The following JAK2 variants were observed in gnomAD, a reference collection of about 807,000 sequenced individuals.
The protein encoded by JAK2 is Janus kinase 2, also known as tyrosine-protein kinase JAK2.
JAK2 carries 86 observed loss-of-function variants against 139.3 expected under a neutral mutation model. The ratio of observed to expected loss-of-function variants is 0.62; its 90% CI spans 0.52 to 0.74. JAK2 has a LOEUF of 0.74. JAK2 is among the 30% of genes least tolerant of loss of function. JAK2 has a pLI of 0.00. For missense variants in JAK2, 1,421 were observed against 1,360.3 expected (o/e 1.04, Z -0.70); for synonymous variants, 490 against 437.7 (o/e 1.12, Z -1.49).
At chr9:5,086,593 TAAA>T (rs762204543) in intron 19 of JAK2, among the ~76,000 whole-genome samples, 10 of 150,534 alleles carry the variant, frequency 6.6e-5, no homozygotes, top group Non-Finnish European at 8.9e-5. Flanking sequence ...TTCCAATACT[TAAA>T]AAAAAAATTC....
intron 8 of JAK2, among the ~76,000 whole-genome samples, chr9:5,059,471 C>T (rs1413432461): frequency 1.3e-5 from 2 of 151,998 alleles, no homozygotes; most frequent in Non-Finnish European, 2.9e-5. Context: ...TGTTGATGGA[C>T]ATTTGGGTTG....
chr9:5,124,716 G>C (rs1823864145), intron 23 of JAK2, among the ~76,000 whole-genome samples: 1 of 151,586 alleles, frequency 6.6e-6, no homozygotes, highest in African/African-American at 2.4e-5. Context: ...CAAACACATA[G>C]ATCAATGGAA....
At chr9:5,076,473 A>G (rs775816198) in intron 14 of JAK2, among the ~76,000 whole-genome samples, 1 of 152,190 alleles carries the variant, frequency 6.6e-6, no homozygotes, top group Non-Finnish European at 1.5e-5. Flanking sequence ...GAAGGCTCAG[A>G]TTATCATTAG....
At chr9:5,089,652 C>G in intron 19 of JAK2, 22 bp from the exon 20 acceptor site, 1 of 1,272,728 alleles carries the variant, frequency 7.9e-7, no homozygotes, top group Non-Finnish European at 1.0e-6. Flanking sequence ...GTATTTCCAT[C>G]CTAATGTGAT....
In JAK2 at chr9:5,127,057, G is replaced by T; in HGVS notation, c.*266G>T. The T allele has an allele frequency of 3.8e-6, 1 of 266,126 alleles. No homozygotes were observed. The highest frequency in any genetic ancestry group is 1.2e-4 in the South Asian group (1 of 8,310). 16.5% of individuals were successfully genotyped at this position (266,126 alleles called of 1,614,324 possible). A position where few individuals can be genotyped will look rare whatever the true frequency, so the allele number is the denominator to read the frequency against. On this transcript the variant is annotated 3_prime_UTR_variant, in exon 25 of 25. Coordinates refer to ENST00000381652, the MANE Select transcript of JAK2 (RefSeq NM_004972.4). Reference sequence around the variant, plus strand: ...TTGTCAGTTAACATCACTCTTGTCTGGCAAAAGAAAAAAAATAGACTTTTT... The same window carrying T: ...TTGTCAGTTAACATCACTCTTGTCTTGCAAAAGAAAAAAAATAGACTTTTT...
At chr9:5,014,164 CT>C (rs200845162) in intron 2 of JAK2, among the ~76,000 whole-genome samples, 355 of 117,522 alleles carry the variant, frequency 3.0e-3, no homozygotes, top group Middle Eastern at 9.7e-3. Context: ...TTTACTCTTT[CT>C]TTTTTTTTTT....
rs558611733 is a variant in JAK2 at position 5,084,450 on chromosome 9, A to G, written c.2571+2589A>G. Among the ~76,000 whole-genome samples, 6 of 152,192 alleles carry G rather than the reference A, an allele frequency of 3.9e-5. No individual in the cohort carries two copies. The South Asian group carries it at 1.2e-3, about 32-fold the overall frequency. On this transcript the variant is annotated intron_variant, in intron 19 of 24. Transcript: ENST00000381652. ...CTGTATCCCTTTGTTATCCTTTTCA[A>G]TTAGTGGTATGGTGAAAATATTCCA...
At chr9:5,089,581 C>T in intron 19 of JAK2, 93 bp from the exon 20 acceptor site, 1 of 351,886 alleles carries the variant, frequency 2.8e-6, no homozygotes, top group Admixed American at 4.7e-5. Flanking sequence ...TCTGCTAATT[C>T]CAGCTACTAG....
rs1242248637 is a variant in JAK2 at position 5,111,066 on chromosome 9, C to A, written c.3060-11938C>A. ...AATTCAGAGGTTCAGGTCTTGAGAA[C>A]TGGCCCAGCTCAGGCTCCTGGGGCA... On this transcript the variant is annotated intron_variant, in intron 22 of 24. Coordinates refer to ENST00000381652, the MANE Select transcript of JAK2 (RefSeq NM_004972.4). The A allele has an allele frequency of 1.4e-5, 16 of 1,183,632 alleles. No individual in the cohort carries two copies. The Admixed American group carries it at 2.4e-4, about 18-fold the overall frequency. The allele number at this position is 1,183,632 out of a possible 1,614,324, so 73.3% of individuals were successfully genotyped here.
chr9:5,113,989 A>T, intron 22 of JAK2: 1 of 268,646 alleles, frequency 3.7e-6, no homozygotes, highest in Non-Finnish European at 7.4e-6. Flanking sequence ...ACCTGGCTGG[A>T]GGATGGGCAG....
intron 3 of JAK2, among the ~76,000 whole-genome samples, chr9:5,029,175 T>C (rs1219351758): frequency 6.6e-6 from 1 of 152,212 alleles, no homozygotes; most frequent in African/African-American, 2.4e-5. Flanking sequence ...GAGGCCATTG[T>C]AGGATTATTA....
rs1337638748 is a variant in JAK2 at position 5,129,595 on chromosome 9, C to T, written c.*2804C>T. 6.6e-6 allele frequency among the ~76,000 whole-genome samples: 1 copy of T among 151,924 alleles called. No homozygotes were observed. ...CAGTAAGTCAGCAGGATTATCCAAACAAAAGACTAGGTTTTATGAGATAAG... is the reference window on the plus strand; with the variant it reads ...CAGTAAGTCAGCAGGATTATCCAAATAAAAGACTAGGTTTTATGAGATAAG... On this transcript the variant is annotated 3_prime_UTR_variant, in exon 25 of 25. Transcript: ENST00000381652.
chr9:4,988,907 T>C (rs1320292129), intron 2 of JAK2, among the ~76,000 whole-genome samples: 1 of 152,184 alleles, frequency 6.6e-6, no homozygotes, highest in Non-Finnish European at 1.5e-5. Flanking sequence ...ATTCAAAATG[T>C]CCATATTTCC....
At position 5,069,953 on chromosome 9, in the gene JAK2, G is replaced by C. The variant is rs565502628; in HGVS notation, c.1542G>C (p.Thr514=). 1 of 1,601,962 alleles carries C rather than the reference G, an allele frequency of 6.2e-7. No homozygotes were observed. The change falls in exon 12 of 25, where the codon ACG becomes ACC. Residue 514 remains threonine (T), a synonymous_variant. Coordinates refer to ENST00000381652, the MANE Select transcript of JAK2 (RefSeq NM_004972.4). ...AATCAAACCTTCTAGTCTTCAGAAC[G>C]AATGGTGTTTCTGATGTACCAACCT... ...KDKSNLLVFR[T]NGVSDVPTSP...
intron 22 of JAK2, 137 bp downstream of exon 22, chr9:5,091,048 T>C: frequency 1.5e-6 from 1 of 646,638 alleles, no homozygotes; most frequent in Non-Finnish European, 2.6e-6. Flanking sequence ...CATTTAACTT[T>C]TTTTTTTTAG....
intron 4 of JAK2, among the ~76,000 whole-genome samples, chr9:5,040,008 A>G (rs904444817): frequency 2.0e-5 from 3 of 152,232 alleles, no homozygotes; most frequent in African/African-American, 2.4e-5. Context: ...AGCTAAAACA[A>G]TCTTGAAACA....
At chr9:5,081,261 T>A in intron 18 of JAK2, among the ~76,000 whole-genome samples, 1 of 129,110 alleles carries the variant, frequency 7.7e-6, no homozygotes, top group South Asian at 2.2e-4. Flanking sequence ...ATTATAGTAT[T>A]TTTTTTTTGC....
intron 13 of JAK2, 95 bp downstream of exon 13, chr9:5,072,721 A>G: frequency 1.0e-6 from 1 of 956,820 alleles, no homozygotes; most frequent in Non-Finnish European, 1.4e-6. Flanking sequence ...GCTTTTCAAA[A>G]TTGTAATTTT....
At chr9:5,076,729 T>C (rs1263051426) in intron 14 of JAK2, among the ~76,000 whole-genome samples, 1 of 152,102 alleles carries the variant, frequency 6.6e-6, no homozygotes, top group Non-Finnish European at 1.5e-5. Flanking sequence ...TTTATATAAT[T>C]CCCTATTTTC....
Sources: gnomAD v4.1 joint callset for allele counts (sites outside exome capture counted in the v4.1 genomes callset) on GRCh38, gnomAD v4.1.1 for gene constraint, MANE v1.5 for transcripts, NCBI Gene and HGNC (gene_info 2026-07-23, HGNC 2026-07-21) for gene names.